The following NEK3 variants were observed in gnomAD, a reference collection of about 807,000 sequenced individuals.
NEK3 encodes serine/threonine-protein kinase Nek3.
In NEK3, 54 loss-of-function variants were observed where a neutral mutation model predicts 66.0. That is an observed-to-expected ratio of 0.82 (90% confidence interval 0.66 to 1.03). NEK3 has a LOEUF of 1.03. NEK3 is among the 50% of genes least tolerant of loss of function. The pLI is 0.00. For missense variants in NEK3, 593 were observed against 603.0 expected, an observed-to-expected ratio of 0.98 and a Z score of 0.17; for synonymous variants, 200 against 206.2, an observed-to-expected ratio of 0.97 and a Z score of 0.26.
rs117168180 is a variant in NEK3, at chr13:52,154,838, G to C, written c.118-665C>G. Among the ~76,000 whole-genome samples the C allele has an allele frequency of 8.6e-4, 128 of 148,700 alleles. 2 individuals are homozygous for C. The East Asian group carries it at 0.026, about 31-fold the overall frequency. ...AGATGTAGACTATAGATGTAGTATA[G>C]TCCCAGCCACTGGGGAGGGTGAGGT... On this transcript the variant is annotated intron_variant, in intron 2 of 15. Coordinates refer to ENST00000610828, the MANE Select transcript of NEK3 (RefSeq NM_002498.3).
Position 52,154,109 on chromosome 13 carries a change from T to C in NEK3, c.182A>G (p.Asn61Ser), listed in dbSNP as rs1156714577. Residue 61 changes from asparagine (N) to serine (S), a missense_variant, in exon 3 of 16, where the codon AAT (asparagine) becomes AGT (serine). By Grantham distance (46) the Asn-to-Ser change is conservative. Transcript: ENST00000610828. ...AAATGATTCTTTGAAGGCAACAATA[T>C]TAGGGTGTTTCATTTTGGCTAAAAG... is the stretch of plus-strand genomic sequence containing the variant. ...AVLLAKMKHP[N>S]IVAFKESFEA... 1 of 1,612,338 alleles carries C rather than the reference T, an allele frequency of 6.2e-7. No individual in the cohort carries two copies.
At position 52,133,669 on chromosome 13, in the gene NEK3, C is replaced by T. The variant is rs908623572; in HGVS notation, c.1436+20G>A. On this transcript the variant is annotated intron_variant, in intron 15 of 15. Transcript: ENST00000610828. ...CACCCCCAACCCCAGCTACAGCTTT[C>T]TATGCATATCACAACGTACGTGTCC... 4 of 1,548,624 alleles carry T rather than the reference C, an allele frequency of 2.6e-6. No homozygotes were observed. Among genetic ancestry groups the T allele is most frequent in the Non-Finnish European group, 3.5e-6 (4 of 1,145,438 alleles).
In NEK3 at chr13:52,137,564, C is replaced by T. The variant is rs899560659; in HGVS notation, c.928-662G>A. Among the ~76,000 whole-genome samples the T allele has an allele frequency of 4.6e-5, 7 of 152,194 alleles. No homozygotes were observed. The South Asian group carries it at 1.4e-3, about 31-fold the overall frequency. On this transcript the variant is annotated intron_variant, in intron 11 of 15. Transcript: ENST00000610828. ...TTTCTAAGCAGTGGTTCTGAAACTT[C>T]TCTTCCCACACATGTAGGGAACATA... is the stretch of plus-strand genomic sequence containing the variant.
chr13:52,136,214 T>C lies in NEK3; in HGVS notation c.1076A>G (p.His359Arg), dbSNP rs1462686773. The C allele has an allele frequency of 2.5e-6, 4 of 1,613,828 alleles. No homozygotes were observed. The highest frequency in any genetic ancestry group is 1.3e-5 in the African/African-American group (1 of 75,064). ...TACATTTTTCTCCCACTGTCGTCTA[T>C]GAAGATTTGGTGAACTGGCTTTCCT... The part of the protein sequence containing the change: ...HLRKASSPNL[H>R]RRQWEKNVPN... Residue 359 changes from histidine (H) to arginine (R), a missense_variant, in exon 13 of 16, where the codon CAT becomes CGT. Transcript: ENST00000610828.
chr13:52,151,049 G>C (rs1053427739), intron 7 of NEK3, 97 bp downstream of exon 7: 7 of 852,494 alleles, frequency 8.2e-6, no homozygotes, highest in Middle Eastern at 4.4e-4. Flanking sequence ...TATGATCCAT[G>C]CATCTGTTTT....
intron 5 of NEK3, among the ~76,000 whole-genome samples, chr13:52,151,744 A>G (rs2138208946): frequency 6.6e-6 from 1 of 152,370 alleles, no homozygotes; most frequent in South Asian, 2.1e-4. Context: ...AAAGAGAGCT[A>G]GGACACATTA....
Position 52,136,829 on chromosome 13 carries a change from G to T in NEK3, c.1001C>A (p.Ala334Glu), listed in dbSNP as rs1409548499. 3.2e-6 allele frequency: 5 copies of T among 1,566,688 alleles called. No homozygotes were observed. Among genetic ancestry groups the T allele is most frequent in the Non-Finnish European group, 3.5e-6 (4 of 1,153,940 alleles). Reference protein sequence around the residue: ...ESINENLVESALRRVNREEKG... With the variant: ...ESINENLVESELRRVNREEKG... ...TTCTTCTCTGTTTACTCTTCTCAATGCACTTTCAACTAAATTTTCATTAAT... is the reference window on the plus strand; with the variant it reads ...TTCTTCTCTGTTTACTCTTCTCAATTCACTTTCAACTAAATTTTCATTAAT... Residue 334 changes from alanine (A) to glutamate (E), a missense_variant, in exon 12 of 16, where the codon GCA (alanine) becomes GAA (glutamate). Coordinates refer to ENST00000610828, the MANE Select transcript of NEK3 (RefSeq NM_002498.3).
intron 1 of NEK3, among the ~76,000 whole-genome samples, chr13:52,158,676 G>A (rs1297799737): frequency 6.6e-6 from 1 of 152,154 alleles, no homozygotes; most frequent in Non-Finnish European, 1.5e-5. Flanking sequence ...CTCTGGACAT[G>A]GCAAAAGTAT....
At position 52,136,260 on chromosome 13, in the gene NEK3, C is replaced by G; in HGVS notation, c.1031-1G>C. The G allele has an allele frequency of 6.2e-7, 1 of 1,613,318 alleles. No homozygotes were observed. The highest frequency in any genetic ancestry group is 1.1e-5 in the South Asian group (1 of 91,016). ...TTCCTCAGATGGACTGACTTATTAC[C>G]TGATTTTAAAGTGTGAAAAAGGAAT... On this transcript the variant is annotated splice_acceptor_variant, in intron 12 of 15. Transcript: ENST00000610828. LOFTEE classifies it high-confidence loss of function.
chr13:52,139,007 G>C (rs1382051205), intron 11 of NEK3, among the ~76,000 whole-genome samples: 1 of 152,134 alleles, frequency 6.6e-6, no homozygotes, highest in Non-Finnish European at 1.5e-5. Flanking sequence ...GCTAAGGGGG[G>C]TGTGACAACA....
At chr13:52,141,261 G>A (rs1458850763) in intron 10 of NEK3, among the ~76,000 whole-genome samples, 192 bp from the exon 11 acceptor site, 3 of 152,182 alleles carry the variant, frequency 2.0e-5, no homozygotes, top group African/African-American at 7.2e-5. Flanking sequence ...TATTGAAAGA[G>A]GCTATTTCCA....
intron 7 of NEK3, among the ~76,000 whole-genome samples, chr13:52,149,146 G>A (rs750166729): frequency 2.8e-4 from 43 of 151,778 alleles, no homozygotes; most frequent in Non-Finnish European, 4.3e-4. Context: ...TGATCCGCGC[G>A]CCTCAGCCTC....
At chr13:52,133,354 AGGG>A in intron 15 of NEK3, 128 bp from the exon 16 acceptor site, 2 of 789,662 alleles carry the variant, frequency 2.5e-6, no homozygotes, top group Admixed American at 2.8e-5. Flanking sequence ...AGGCAACTGA[AGGG>A]AAAAAATTGC....
At position 52,151,366 on chromosome 13, in the gene NEK3, T is replaced by C. The variant is rs1415670561; in HGVS notation, c.420A>G (p.Lys140=). The C allele has an allele frequency of 6.3e-7, 1 of 1,593,338 alleles. No individual in the cohort carries two copies. The highest frequency in any genetic ancestry group is 8.6e-7 in the Non-Finnish European group (1 of 1,169,384). The change falls in exon 6 of 16, where the codon AAA becomes AAG. Residue 140 remains lysine (K), a synonymous_variant. Transcript: ENST00000610828. The part of the protein sequence containing the change: ...SKNIFLTQNG[K]VKLGDFGSAR... ...CAGATCCAAAGTCTCCCAATTTCAC[T>C]TTTCCATTCTGAGTGAGGAAGATAT...
rs767079493 is a variant in NEK3 at position 52,153,954 on chromosome 13, C to T, written c.250G>A (p.Gly84Arg). The change falls in exon 4 of 16, where the codon GGA (glycine) becomes AGA (arginine). Residue 84 changes from glycine to arginine, a missense_variant. Transcript: ENST00000610828. ...HLYIVMEYCD[G>R]GDLMQKIKQQ... ...TTAATCTTTTGCATTAGATCCCCTC[C>T]ATCACAGTATTCCATCACAATATAC... 1 of 1,613,008 alleles carries T rather than the reference C, an allele frequency of 6.2e-7. No individual in the cohort carries two copies. Among genetic ancestry groups the T allele is most frequent in the Non-Finnish European group, 8.5e-7 (1 of 1,179,282 alleles).
chr13:52,133,891 C>T (rs1472907827), intron 14 of NEK3, 76 bp from the exon 15 acceptor site: 18 of 1,443,738 alleles, frequency 1.2e-5, no homozygotes, highest in Non-Finnish European at 1.6e-5. Flanking sequence ...TTAAAATCCT[C>T]CGTAAGCTTG....
In NEK3 at chr13:52,132,961, A is replaced by C. The variant is rs1956165919; in HGVS notation, c.*181T>G. The C allele has an allele frequency of 1.7e-6, 1 of 581,592 alleles. No homozygotes were observed. The highest frequency in any genetic ancestry group is 3.1e-6 in the Non-Finnish European group (1 of 327,772). 36.0% of individuals were successfully genotyped at this position (581,592 alleles called of 1,614,324 possible). A position where few individuals can be genotyped will look rare whatever the true frequency, so the allele number is the denominator to read the frequency against. ...TTCTCCCTTGAGTTCAAAAACTTAC[A>C]GGAGTTCTAGACTTTTCAAACTCAC... On this transcript the variant is annotated 3_prime_UTR_variant, in exon 16 of 16. Coordinates refer to ENST00000610828, the MANE Select transcript of NEK3 (RefSeq NM_002498.3).
chr13:52,140,614 T>C (rs931020420), intron 11 of NEK3, among the ~76,000 whole-genome samples: 3 of 151,314 alleles, frequency 2.0e-5, no homozygotes, highest in African/African-American at 7.3e-5. Flanking sequence ...TCTCAAATAA[T>C]AATAATAATA....
At chr13:52,139,153 G>A (rs1956228333) in intron 11 of NEK3, among the ~76,000 whole-genome samples, 1 of 152,186 alleles carries the variant, frequency 6.6e-6, no homozygotes, top group Admixed American at 6.5e-5. Context: ...TAACAAGGAG[G>A]TGCTACAAAG....
Sources: gnomAD v4.1 joint callset for allele counts (sites outside exome capture counted in the v4.1 genomes callset) on GRCh38, gnomAD v4.1.1 for gene constraint, MANE v1.5 for transcripts, NCBI Gene and HGNC (gene_info 2026-07-23, HGNC 2026-07-21) for gene names.